ELK3: variants seen among roughly 807,000 people sequenced by gnomAD.
The protein encoded by ELK3 is ETS domain-containing protein Elk-3.
In ELK3, 10 loss-of-function variants were observed where a neutral mutation model predicts 28.9. The ratio of observed to expected loss-of-function variants is 0.35; its 90% CI spans 0.21 to 0.59. ELK3 has a LOEUF of 0.59. ELK3 is among the 20% of genes least tolerant of loss of function. ELK3 has a pLI of 0.82. For synonymous variants in ELK3, 272 were observed against 243.5 expected, an observed-to-expected ratio of 1.12 and a Z score of -1.09; for missense variants, 463 against 517.3, an observed-to-expected ratio of 0.90 and a Z score of 1.02.
At chr12:96,226,394 A>G (rs1476811651) in intron 2 of ELK3, among the ~76,000 whole-genome samples, 1 of 152,240 alleles carries the variant, frequency 6.6e-6, no homozygotes, top group Non-Finnish European at 1.5e-5. Context: ...GGCCACCAGA[A>G]GAAATTGCTC....
At chr12:96,250,378 C>T (rs61125552) in intron 3 of ELK3, among the ~76,000 whole-genome samples, 4,376 of 152,246 alleles carry the variant, frequency 0.029, 206 homozygotes, top group African/African-American at 0.1. Flanking sequence ...GCCGGTTTCA[C>T]CCAGGCGGAT....
chr12:96,228,100 A>T (rs571181692), intron 2 of ELK3, among the ~76,000 whole-genome samples: 10 of 152,236 alleles, frequency 6.6e-5, no homozygotes, highest in South Asian at 6.2e-4. Flanking sequence ...GTCTCTTTTT[A>T]AAAAATTTAG....
intron 1 of ELK3, among the ~76,000 whole-genome samples, chr12:96,214,195 C>G (rs1951594801): frequency 6.6e-6 from 1 of 151,984 alleles, no homozygotes; most frequent in African/African-American, 2.4e-5. Context: ...CTTTGGGAGG[C>G]CGAGGTGGGT....
Position 96,244,631 on chromosome 12 carries a change from C to T in ELK3, c.208-2309C>T, listed in dbSNP as rs149093974. On this transcript the variant is annotated intron_variant, in intron 2 of 4. Transcript: ENST00000228741. Reference sequence around the variant, plus strand: ...CTCAGTTTAGATGAGTGTTCAAACTCGCTGAGGGAAAAAAATAAAGTTTTT... The same window carrying T: ...CTCAGTTTAGATGAGTGTTCAAACTTGCTGAGGGAAAAAAATAAAGTTTTT... Among the ~76,000 whole-genome samples the T allele has an allele frequency of 8.3e-3, 1,260 of 151,488 alleles. 64 individuals are homozygous for T. Among genetic ancestry groups the T allele is most frequent in the Admixed American group, 0.073 (1,115 of 15,208 alleles).
At chr12:96,234,394 A>T (rs945637729) in intron 2 of ELK3, among the ~76,000 whole-genome samples, 1 of 152,212 alleles carries the variant, frequency 6.6e-6, no homozygotes, top group Non-Finnish European at 1.5e-5. Flanking sequence ...GTTTGCCAGC[A>T]TGAGCGTTCC....
intron 3 of ELK3, among the ~76,000 whole-genome samples, chr12:96,253,284 TAAAA>T (rs1281587052): frequency 7.2e-5 from 11 of 152,132 alleles, no homozygotes; most frequent in Non-Finnish European, 1.6e-4. Context: ...AATAAATAAA[TAAAA>T]GAGTCAATCA....
chr12:96,237,282 C>T (rs1231702913), intron 2 of ELK3, among the ~76,000 whole-genome samples: 1 of 152,176 alleles, frequency 6.6e-6, no homozygotes, highest in Non-Finnish European at 1.5e-5. Context: ...ATAAGATGCT[C>T]TTAAATAGCT....
At chr12:96,235,555 C>T (rs1173553132) in intron 2 of ELK3, among the ~76,000 whole-genome samples, 2 of 152,140 alleles carry the variant, frequency 1.3e-5, no homozygotes, top group East Asian at 1.9e-4. Context: ...AAGAGAGGAT[C>T]CAAGAAAGCG....
chr12:96,204,526 G>T (rs1951527855), intron 1 of ELK3, among the ~76,000 whole-genome samples: 2 of 152,206 alleles, frequency 1.3e-5, no homozygotes, highest in Admixed American at 1.3e-4. Context: ...TGACTAAGCG[G>T]AATGTATGAT....
intron 1 of ELK3, among the ~76,000 whole-genome samples, chr12:96,210,012 C>T (rs1360617335): frequency 6.6e-6 from 1 of 151,896 alleles, no homozygotes; most frequent in African/African-American, 2.4e-5. Context: ...CTTGACCTCC[C>T]CCAACTTTTT....
chr12:96,229,391 C>T (rs1424847330), intron 2 of ELK3, among the ~76,000 whole-genome samples: 1 of 152,174 alleles, frequency 6.6e-6, no homozygotes, highest in Non-Finnish European at 1.5e-5. Context: ...CTCAGGTGGA[C>T]TCTTTCTTGG....
intron 4 of ELK3, among the ~76,000 whole-genome samples, chr12:96,263,583 A>ATAT (rs1336492894): frequency 6.6e-6 from 1 of 152,232 alleles, no homozygotes; most frequent in Non-Finnish European, 1.5e-5. Flanking sequence ...GGGACAGAGA[A>ATAT]TATGTGAATA....
At chr12:96,250,385 G>A (rs550716722) in intron 3 of ELK3, among the ~76,000 whole-genome samples, 4 of 152,156 alleles carry the variant, frequency 2.6e-5, no homozygotes, top group African/African-American at 4.8e-5. Flanking sequence ...TCACCCAGGC[G>A]GATTCCCTGA....
At chr12:96,248,202 T>A (rs1427853114) in intron 3 of ELK3, among the ~76,000 whole-genome samples, 1 of 152,170 alleles carries the variant, frequency 6.6e-6, no homozygotes, top group Non-Finnish European at 1.5e-5. Context: ...AGTGTGGAGC[T>A]GTGGTCATAG....
intron 1 of ELK3, among the ~76,000 whole-genome samples, chr12:96,220,210 C>G (rs1024416605): frequency 3.3e-5 from 5 of 152,176 alleles, no homozygotes; most frequent in Non-Finnish European, 5.9e-5. Context: ...TCTGCCTGTT[C>G]CCTTTCTACT....
chr12:96,213,276 C>T (rs1230202374), intron 1 of ELK3, among the ~76,000 whole-genome samples: 1 of 152,128 alleles, frequency 6.6e-6, no homozygotes, highest in East Asian at 1.9e-4. Context: ...TATTTCTTTA[C>T]CCTGCAGATT....
rs937868217 is a variant in ELK3 at position 96,269,640 on chromosome 12, T to C, written c.*2460T>C. ...ATAGGTTTCAAAGAACATTAATGACTTTCTTTTCCCTTTTATGTCTGCTTA... is the reference window on the plus strand; with the variant it reads ...ATAGGTTTCAAAGAACATTAATGACCTTCTTTTCCCTTTTATGTCTGCTTA... On this transcript the variant is annotated 3_prime_UTR_variant, in exon 5 of 5. Coordinates refer to ENST00000228741, the MANE Select transcript of ELK3 (RefSeq NM_005230.4). The C allele has an allele frequency of 5.9e-5, 9 of 152,232 alleles. No homozygotes were observed. The highest frequency in any genetic ancestry group is 1.5e-5 in the Non-Finnish European group (1 of 68,030). The allele number at this position is 152,232 out of a possible 1,614,324, so 9.4% of individuals were successfully genotyped here.
chr12:96,248,770 G>A (rs2137034512), intron 3 of ELK3, among the ~76,000 whole-genome samples: 1 of 152,326 alleles, frequency 6.6e-6, no homozygotes, highest in South Asian at 2.1e-4. Flanking sequence ...CCCCACGTGT[G>A]CCAGGCACTG....
Position 96,267,377 on chromosome 12 carries a change from G to A in ELK3, c.*197G>A, listed in dbSNP as rs1052926612. The A allele has an allele frequency of 4.4e-6, 2 of 458,238 alleles. No individual in the cohort carries two copies. Among genetic ancestry groups the A allele is most frequent in the African/African-American group, 4.0e-5 (2 of 50,126 alleles). 28.4% of individuals were successfully genotyped at this position (458,238 alleles called of 1,614,324 possible). On this transcript the variant is annotated 3_prime_UTR_variant, in exon 5 of 5. Transcript: ENST00000228741. ...TATATTCAAGTATATATGAAAATCT[G>A]TTTGGCATTAAGTGAATTTTAATGT...
Sources: gnomAD v4.1 joint callset for allele counts (sites outside exome capture counted in the v4.1 genomes callset) on GRCh38, gnomAD v4.1.1 for gene constraint, MANE v1.5 for transcripts, NCBI Gene and HGNC (gene_info 2026-07-23, HGNC 2026-07-21) for gene names.